PSEN1: variants seen among roughly 807,000 people sequenced by gnomAD.
PSEN1 encodes the protein presenilin 1.
In PSEN1, 15 loss-of-function variants were observed where a neutral mutation model predicts 53.5. The ratio of observed to expected loss-of-function variants is 0.28; its 90% CI spans 0.19 to 0.43. The LOEUF is 0.43. PSEN1 is among the 20% of genes least tolerant of loss of function. The pLI, the probability that PSEN1 is intolerant of heterozygous loss-of-function variation, is 1.00. For missense variants in PSEN1, 387 were observed against 571.2 expected (o/e 0.68, Z 3.29); for synonymous variants, 208 against 209.8 (o/e 0.99, Z 0.08).
At chr14:73,177,491 C>G (rs1317977616) in intron 5 of PSEN1, among the ~76,000 whole-genome samples, 1 of 152,150 alleles carries the variant, frequency 6.6e-6, no homozygotes, top group Non-Finnish European at 1.5e-5. Context: ...TATGCCAGGA[C>G]AGCCGTTTTC....
intron 3 of PSEN1, among the ~76,000 whole-genome samples, chr14:73,155,848 ATC>A: frequency 6.6e-6 from 1 of 152,278 alleles, no homozygotes; most frequent in East Asian, 1.9e-4. Context: ...ACCTGTCATT[ATC>A]TGTTTATACA....
At chr14:73,182,995 TC>T (rs1316914820) in intron 5 of PSEN1, among the ~76,000 whole-genome samples, 1 of 152,212 alleles carries the variant, frequency 6.6e-6, no homozygotes, top group African/African-American at 2.4e-5. Context: ...TAATATGGAA[TC>T]CCAGTGTACA....
At chr14:73,138,821 G>T (rs373997886) in intron 1 of PSEN1, among the ~76,000 whole-genome samples, 2 of 149,098 alleles carry the variant, frequency 1.3e-5, no homozygotes, top group Non-Finnish European at 3.0e-5. Flanking sequence ...AAAAAAATTA[G>T]CCGGGCGTGA....
intron 3 of PSEN1, among the ~76,000 whole-genome samples, chr14:73,151,413 C>A (rs1022901778): frequency 6.6e-6 from 1 of 152,028 alleles, no homozygotes; most frequent in South Asian, 2.1e-4. Context: ...TAGGATTCTT[C>A]CAAAGTGTAT....
rs1897871853 is a variant in PSEN1, at chr14:73,170,939, A to G, written c.230A>G (p.Tyr77Cys). Residue 77 changes from tyrosine to cysteine, a missense_variant, in exon 4 of 12, where the codon TAT becomes TGT. Transcript: ENST00000324501. ...GAAGATGAGGAGCTGACATTGAAAT[A>G]TGGCGCCAAGCATGTGATCATGCTC... Reference protein sequence around the residue: ...EEEDEELTLKYGAKHVIMLFV... With the variant: ...EEEDEELTLKCGAKHVIMLFV... 3 of 1,614,098 alleles carry G rather than the reference A, an allele frequency of 1.9e-6. No homozygotes were observed. Among genetic ancestry groups the G allele is most frequent in the Non-Finnish European group, 2.5e-6 (3 of 1,180,054 alleles).
At chr14:73,205,619 A>G (rs569467597) in intron 8 of PSEN1, among the ~76,000 whole-genome samples, 62 of 152,302 alleles carry the variant, frequency 4.1e-4, no homozygotes, top group African/African-American at 1.5e-3. Flanking sequence ...CTTCAGGATA[A>G]GTTCCAAAAT....
intron 8 of PSEN1, among the ~76,000 whole-genome samples, chr14:73,204,019 A>T (rs899178388): frequency 6.6e-6 from 1 of 152,100 alleles, no homozygotes; most frequent in Non-Finnish European, 1.5e-5. Flanking sequence ...TTTTTTTGAG[A>T]CAGAGTTTCG....
chr14:73,191,310 T>C (rs571600800), intron 6 of PSEN1, among the ~76,000 whole-genome samples: 2 of 152,344 alleles, frequency 1.3e-5, no homozygotes, highest in Non-Finnish European at 2.9e-5. Context: ...TGGGATCCTA[T>C]ATTTTTTCAA....
At chr14:73,192,990 C>T (rs1898788212) in intron 7 of PSEN1, 126 bp downstream of exon 7, 1 of 780,786 alleles carries the variant, frequency 1.3e-6, no homozygotes, top group South Asian at 1.5e-5. Flanking sequence ...TTCAGTAAAT[C>T]ATTAATTAGC....
At position 73,155,089 on chromosome 14, in the gene PSEN1, T is replaced by C. The variant is rs17124882; in HGVS notation, c.87+6983T>C. 3.2e-3 allele frequency among the ~76,000 whole-genome samples: 481 copies of C among 152,346 alleles called. 18 individuals are homozygous for C. The East Asian group carries it at 0.088, about 28-fold the overall frequency. On this transcript the variant is annotated intron_variant, in intron 3 of 11. Coordinates refer to ENST00000324501, the MANE Select transcript of PSEN1 (RefSeq NM_000021.4). Reference sequence around the variant, plus strand: ...AGTTTATCCTATAAAAATATTACCATAGAAGTGCCAAGAATTTTTATTGAA... The same window carrying C: ...AGTTTATCCTATAAAAATATTACCACAGAAGTGCCAAGAATTTTTATTGAA...
At chr14:73,143,684 T>A (rs1896987967) in intron 1 of PSEN1, among the ~76,000 whole-genome samples, 1 of 152,132 alleles carries the variant, frequency 6.6e-6, no homozygotes, top group Non-Finnish European at 1.5e-5. Context: ...ACCGAACAGA[T>A]CCTGTTAGCA....
rs892971730 is a variant in PSEN1 at position 73,162,094 on chromosome 14, ACT to A, written c.88-8700_88-8699del. On this transcript the variant is annotated intron_variant, in intron 3 of 11. Transcript: ENST00000324501. ...CTCGGGAGACTGAGGCAGGAGAATC[ACT>A]CTAACCTGGGAGGCCAAGGTTGCAG... 2.1e-4 allele frequency among the ~76,000 whole-genome samples: 31 copies of A among 149,468 alleles called. 1 individual carries two copies. In the South Asian group the frequency reaches 5.7e-3, roughly 28 times the overall value.
At chr14:73,218,748 C>T (rs921109264) in intron 11 of PSEN1, among the ~76,000 whole-genome samples, 3 of 151,572 alleles carry the variant, frequency 2.0e-5, no homozygotes, top group African/African-American at 2.4e-5. Flanking sequence ...TAGAGAAGCC[C>T]CCGCACAGCA....
chr14:73,155,589 T>TA (rs1234075424), intron 3 of PSEN1, among the ~76,000 whole-genome samples: 6 of 152,104 alleles, frequency 3.9e-5, no homozygotes, highest in Admixed American at 3.9e-4. Flanking sequence ...GTGCAGCCTG[T>TA]AAGTCCTGGG....
At chr14:73,201,993 T>C (rs1899206853) in intron 8 of PSEN1, among the ~76,000 whole-genome samples, 1 of 151,956 alleles carries the variant, frequency 6.6e-6, no homozygotes, top group Non-Finnish European at 1.5e-5. Flanking sequence ...GTGATCCACC[T>C]GCCTCGGCCT....
chr14:73,141,316 G>GAA (rs146373308), intron 1 of PSEN1, among the ~76,000 whole-genome samples: 3 of 143,688 alleles, frequency 2.1e-5, no homozygotes, highest in East Asian at 2.0e-4. Context: ...GATGGAAGGA[G>GAA]AAAAAAAAAA....
At chr14:73,156,328 C>T (rs1897353570) in intron 3 of PSEN1, among the ~76,000 whole-genome samples, 1 of 151,564 alleles carries the variant, frequency 6.6e-6, no homozygotes, top group Non-Finnish European at 1.5e-5. Flanking sequence ...TGCACTCCAG[C>T]CTGGGCAACA....
chr14:73,186,547 C>G (rs950160887), intron 5 of PSEN1, among the ~76,000 whole-genome samples: 2 of 152,120 alleles, frequency 1.3e-5, no homozygotes, highest in African/African-American at 2.4e-5. Flanking sequence ...GAGTCTGAGG[C>G]GGGCGGATCA....
At chr14:73,216,418 G>C (rs10140990) in intron 10 of PSEN1, among the ~76,000 whole-genome samples, 16,837 of 152,096 alleles carry the variant, frequency 0.11, 1,065 homozygotes, top group African/African-American at 0.18. Flanking sequence ...ATTGAATCAT[G>C]TCTTCCAGTT....
Sources: gnomAD v4.1 joint callset for allele counts (sites outside exome capture counted in the v4.1 genomes callset) on GRCh38, gnomAD v4.1.1 for gene constraint, MANE v1.5 for transcripts, NCBI Gene and HGNC (gene_info 2026-07-23, HGNC 2026-07-21) for gene names.